The following HS1BP3 variants were observed in gnomAD, a reference collection of about 807,000 sequenced individuals.
HS1BP3 encodes the protein HCLS1-binding protein 3.
HS1BP3 carries 32 observed loss-of-function variants against 33.5 expected under a neutral mutation model. The ratio of observed to expected loss-of-function variants is 0.95; its 90% CI spans 0.72 to 1.28. HS1BP3 has a LOEUF of 1.28. HS1BP3 is among the 50% of genes most tolerant of loss of function. HS1BP3 has a pLI of 0.00. For missense variants in HS1BP3, 486 were observed against 502.3 expected (o/e 0.97, Z 0.31); for synonymous variants, 187 against 209.2 (o/e 0.89, Z 0.92).
rs1315602778 is a variant in HS1BP3, at chr2:20,599,644, ACACACT to A, written c.179-1385_179-1380del. On this transcript the variant is annotated intron_variant, in intron 2 of 3. Coordinates refer to the HS1BP3 transcript ENST00000415264. ...CACACACACACACACACACACACACACACACTCTGTTTTTTTTTTTTTAAAGATCTG... is the reference window on the plus strand; with the variant it reads ...CACACACACACACACACACACACACACTGTTTTTTTTTTTTTAAAGATCTG... Among the ~76,000 whole-genome samples, 708 of 141,566 alleles carry A rather than the reference ACACACT, an allele frequency of 5.0e-3. 11 individuals carry two copies. The highest frequency in any genetic ancestry group is 0.02 in the African/African-American group (678 of 34,564). The allele number at this position is 141,566 out of a possible 152,430, so 92.9% of individuals were successfully genotyped here. A position where few individuals can be genotyped will look rare whatever the true frequency, so the allele number is the denominator to read the frequency against.
intron 6 of HS1BP3, chr2:20,623,470 TCC>T: frequency 6.5e-6 from 1 of 154,514 alleles, no homozygotes; most frequent in Non-Finnish European, 1.4e-5. Context: ...GACCGGGCCC[TCC>T]GGCAGAGAGG....
At position 20,651,014 on chromosome 2, in the gene HS1BP3, C is replaced by A. The variant is rs775911483; in HGVS notation, c.32+18G>T. On this transcript the variant is annotated intron_variant, in intron 1 of 6. Coordinates refer to ENST00000304031, the MANE Select transcript of HS1BP3 (RefSeq NM_022460.4). The stretch of plus-strand genomic sequence containing the variant: ...GGACTGCGAGCTGTGCGGTGTGGGG[C>A]GCGGGGGTCTGGCTCACCTGGAGGT... The A allele has an allele frequency of 4.0e-6, 5 of 1,237,966 alleles. No homozygotes were observed. Among genetic ancestry groups the A allele is most frequent in the African/African-American group, 1.5e-5 (1 of 64,828 alleles). 76.7% of individuals were successfully genotyped at this position (1,237,966 alleles called of 1,614,324 possible).
intron 2 of HS1BP3, among the ~76,000 whole-genome samples, chr2:20,599,086 G>A (rs1694012932): frequency 6.6e-6 from 1 of 152,252 alleles, no homozygotes; most frequent in East Asian, 1.9e-4. Flanking sequence ...GCCCCTGGGG[G>A]CCTGTAGCCT....
downstream of HS1BP3, among the ~76,000 whole-genome samples, chr2:20,557,332 G>A (rs1021560421): frequency 3.3e-5 from 5 of 152,172 alleles, no homozygotes; most frequent in East Asian, 5.8e-4. Flanking sequence ...TTCCAACAGC[G>A]GTTATTTTCT....
At chr2:20,567,472 G>A (rs1046970497) in intron 5 of HS1BP3, among the ~76,000 whole-genome samples, 8 of 152,136 alleles carry the variant, frequency 5.3e-5, no homozygotes, top group Admixed American at 2.0e-4. Flanking sequence ...ACCCACCCTC[G>A]CCCCTGCTGG....
chr2:20,641,148 A>G lies in HS1BP3; in HGVS notation c.231T>C (p.Phe77=), dbSNP rs746548397. The part of the protein sequence containing the change: ...VSKKYSEIEE[F]YQKLSSRYAA... Reference sequence around the variant, plus strand: ...CATAACGACTGCTCAGTTTCTGGTAAAACTCCTCAATCTCGCTGTACTTTT... The same window carrying G: ...CATAACGACTGCTCAGTTTCTGGTAGAACTCCTCAATCTCGCTGTACTTTT... The change falls in exon 3 of 7, where the codon TTT becomes TTC. Residue 77 remains phenylalanine (F), a synonymous_variant. Coordinates refer to ENST00000304031, the MANE Select transcript of HS1BP3 (RefSeq NM_022460.4). 1 of 1,610,062 alleles carries G rather than the reference A, an allele frequency of 6.2e-7. No homozygotes were observed. The highest frequency in any genetic ancestry group is 1.1e-5 in the South Asian group (1 of 91,082).
At chr2:20,564,554 G>A (rs1051195351) in intron 5 of HS1BP3, among the ~76,000 whole-genome samples, 12 of 152,068 alleles carry the variant, frequency 7.9e-5, no homozygotes, top group Non-Finnish European at 1.3e-4. Flanking sequence ...TATGATCTTG[G>A]CTGACTGCAA....
Position 20,611,606 on chromosome 2 carries a change from A to G in HS1BP3, c.178+12290T>C, listed in dbSNP as rs971483423. Among the ~76,000 whole-genome samples the G allele has an allele frequency of 3.3e-5, 5 of 152,142 alleles. No individual in the cohort carries two copies. Among genetic ancestry groups the G allele is most frequent in the African/African-American group, 1.2e-4 (5 of 41,418 alleles). ...CCTGTTGACATTATTCCTTGTCAGA[A>G]TGGCTCATTTCCAGTTCGTTCCATC... is the stretch of plus-strand genomic sequence containing the variant. On this transcript the variant is annotated intron_variant, in intron 2 of 3. Coordinates refer to the HS1BP3 transcript ENST00000415264. This position sits in a 1 kb window ranked among gnomAD's most constrained non-coding sequence, Gnocchi z 4.9.
intron 2 of HS1BP3, 53 bp downstream of exon 2, chr2:20,645,287 C>G: frequency 6.4e-7 from 1 of 1,569,540 alleles, no homozygotes; most frequent in Non-Finnish European, 8.7e-7. Context: ...ATGTGTCTGC[C>G]CGCCCGGACC....
rs1695236439 is a variant in HS1BP3, at chr2:20,638,576, C to T, written c.483G>A (p.Gly161=). The change falls in exon 4 of 7, where the codon GGG becomes GGA. Residue 161 remains glycine, a synonymous_variant. Coordinates refer to ENST00000304031, the MANE Select transcript of HS1BP3 (RefSeq NM_022460.4). ...AAAAGTCGAAAGCCTCTTCATCATT[C>T]CCTGTCTGACTGTCTGTGCCATCCA... The part of the protein sequence containing the change: ...SVLDGTDSQT[G]NDEEAFDFFE... The T allele has an allele frequency of 6.2e-7, 1 of 1,614,112 alleles. No homozygotes were observed. The highest frequency in any genetic ancestry group is 8.5e-7 in the Non-Finnish European group (1 of 1,180,050).
At chr2:20,609,857 C>T (rs1434544153) in intron 2 of HS1BP3, among the ~76,000 whole-genome samples, 1 of 152,078 alleles carries the variant, frequency 6.6e-6, no homozygotes, top group Non-Finnish European at 1.5e-5. Flanking sequence ...TCAGTTTTTC[C>T]CATTTACTGG....
At chr2:20,573,894 G>A (rs910827269) in intron 5 of HS1BP3, among the ~76,000 whole-genome samples, 1 of 152,234 alleles carries the variant, frequency 6.6e-6, no homozygotes, top group African/African-American at 2.4e-5. Context: ...GCGCTTTGCT[G>A]CCCTGCATGG....
chr2:20,619,389 G>A, intron 6 of HS1BP3, 144 bp from the exon 7 acceptor site: 2 of 697,142 alleles, frequency 2.9e-6, no homozygotes, highest in Non-Finnish European at 4.7e-6. Flanking sequence ...GCCCTGCTCT[G>A]CCCCATTCCA....
At chr2:20,609,947 T>G (rs1694283270) in intron 2 of HS1BP3, among the ~76,000 whole-genome samples, 1 of 152,208 alleles carries the variant, frequency 6.6e-6, no homozygotes, top group South Asian at 2.1e-4. Context: ...CTGTGGGGGC[T>G]ATCACCAAAG....
At chr2:20,647,460 C>T (rs1254843695) in intron 1 of HS1BP3, among the ~76,000 whole-genome samples, 2 of 152,210 alleles carry the variant, frequency 1.3e-5, no homozygotes, top group African/African-American at 2.4e-5. Context: ...GAAGGCACAG[C>T]ACCACACCAG....
intron 5 of HS1BP3, among the ~76,000 whole-genome samples, chr2:20,565,429 C>A (rs1212652767): frequency 6.6e-6 from 1 of 152,182 alleles, no homozygotes; most frequent in Non-Finnish European, 1.5e-5. Context: ...CATCCCCTGT[C>A]CCCCGCCAGA....
chr2:20,649,070 T>C (rs1695606162), intron 1 of HS1BP3, among the ~76,000 whole-genome samples: 1 of 152,212 alleles, frequency 6.6e-6, no homozygotes, highest in Non-Finnish European at 1.5e-5. Flanking sequence ...TCCTGAATGC[T>C]CAGCTCGGCC....
At chr2:20,595,779 G>A (rs748213665) in intron 3 of HS1BP3, among the ~76,000 whole-genome samples, 1 of 152,250 alleles carries the variant, frequency 6.6e-6, no homozygotes, top group Non-Finnish European at 1.5e-5. Flanking sequence ...GCTGGGCAGG[G>A]AAGTGGGCAG....
chr2:20,595,776 AG>A (rs907633063), intron 3 of HS1BP3, among the ~76,000 whole-genome samples: 2 of 152,222 alleles, frequency 1.3e-5, no homozygotes, highest in Non-Finnish European at 2.9e-5. Flanking sequence ...CCTGCTGGGC[AG>A]GGAAGTGGGC....
Sources: gnomAD v4.1 joint callset for allele counts (sites outside exome capture counted in the v4.1 genomes callset) on GRCh38, gnomAD v4.1.1 for gene constraint, Gnocchi (gnomAD v3.1) non-coding constraint, MANE v1.5 for transcripts, NCBI Gene and HGNC (gene_info 2026-07-23, HGNC 2026-07-21) for gene names.